Variants in PIP5K1A observed in about 807,000 individuals in gnomAD.
PIP5K1A encodes phosphatidylinositol 4-phosphate 5-kinase type-1 alpha.
A neutral mutation model predicts 72.9 loss-of-function variants in PIP5K1A; 46 were observed. The observed-to-expected ratio is 0.63, with a 90% CI of 0.50 to 0.81. The LOEUF is 0.81. PIP5K1A is among the 30% of genes least tolerant of loss of function. PIP5K1A has a pLI of 0.00. For missense variants in PIP5K1A, 458 were observed against 706.1 expected (o/e 0.65, Z 3.98); for synonymous variants, 228 against 255.1 (o/e 0.89, Z 1.01).
chr1:151,243,889 C>T (rs1692112590), intron 14 of PIP5K1A, among the ~76,000 whole-genome samples: 1 of 152,212 alleles, frequency 6.6e-6, no homozygotes, highest in African/African-American at 2.4e-5. Context: ...AAGCTTCTTA[C>T]AGACTCTGTT....
At chr1:151,234,142 T>C in intron 7 of PIP5K1A, 55 bp from the exon 8 acceptor site, 1 of 1,400,570 alleles carries the variant, frequency 7.1e-7, no homozygotes, top group Non-Finnish European at 9.8e-7. Flanking sequence ...CTGGTGAGTT[T>C]CACTGAAAAT....
intron 1 of PIP5K1A, among the ~76,000 whole-genome samples, chr1:151,214,287 T>C (rs1687268777): frequency 6.6e-6 from 1 of 152,210 alleles, no homozygotes; most frequent in African/African-American, 2.4e-5. Context: ...TTTGTTTGCT[T>C]CACTAAGATA....
At chr1:151,207,971 T>G (rs587715447) in intron 1 of PIP5K1A, among the ~76,000 whole-genome samples, 13 of 151,304 alleles carry the variant, frequency 8.6e-5, no homozygotes, top group African/African-American at 2.9e-4. Context: ...TTCAAGTGAT[T>G]CCCCTGCTTC....
rs959985167 is a variant in PIP5K1A, at chr1:151,198,898, G to A, written c.-99G>A. Reference sequence around the variant, plus strand: ...GGGGCGGGGAGGTGGCCCACAGAACGCGGGTTCTGTAAAGAGACGTTGGGA... The same window carrying A: ...GGGGCGGGGAGGTGGCCCACAGAACACGGGTTCTGTAAAGAGACGTTGGGA... On this transcript the variant is annotated 5_prime_UTR_variant, in exon 1 of 16. Coordinates refer to ENST00000368888, the MANE Select transcript of PIP5K1A (RefSeq NM_001135638.2). 2.5e-6 allele frequency: 3 copies of A among 1,194,426 alleles called. No homozygotes were observed. The African/African-American group carries it at 4.5e-5, about 18-fold the overall frequency. 74.0% of individuals were successfully genotyped at this position (1,194,426 alleles called of 1,614,324 possible).
At position 151,232,646 on chromosome 1, in the gene PIP5K1A, G is replaced by A; in HGVS notation, c.582G>A (p.Lys194=). The change falls in exon 7 of 16, where the codon AAG becomes AAA. Residue 194 remains lysine, a synonymous_variant. Transcript: ENST00000368888. ...YVSSDDEFII[K]TVQHKEAEFL... Reference sequence around the variant, plus strand: ...CCAGCGACGATGAGTTCATTATTAAGACAGTCCAACATAAAGAGGCGGAAT... The same window carrying A: ...CCAGCGACGATGAGTTCATTATTAAAACAGTCCAACATAAAGAGGCGGAAT... 1 of 1,613,648 alleles carries A rather than the reference G, an allele frequency of 6.2e-7. No individual in the cohort carries two copies. Among genetic ancestry groups the A allele is most frequent in the Non-Finnish European group, 8.5e-7 (1 of 1,179,816 alleles).
At chr1:151,220,478 T>C (rs587634954) in intron 1 of PIP5K1A, among the ~76,000 whole-genome samples, 1 of 152,188 alleles carries the variant, frequency 6.6e-6, no homozygotes, top group South Asian at 2.1e-4. Context: ...CCTAGCTTTT[T>C]TTTTTTTAAG....
intron 12 of PIP5K1A, among the ~76,000 whole-genome samples, chr1:151,241,644 T>C (rs1691723504): frequency 6.6e-6 from 1 of 151,676 alleles, no homozygotes; most frequent in South Asian, 2.1e-4. Context: ...CTACTAAAAA[T>C]ATAAAATTAG....
chr1:151,247,008 A>G lies in PIP5K1A; in HGVS notation c.1686+43A>G, dbSNP rs755187811. The G allele has an allele frequency of 2.1e-6, 3 of 1,450,818 alleles. No individual in the cohort carries two copies. In the African/African-American group the frequency reaches 4.2e-5, roughly 20 times the overall value. 89.9% of individuals were successfully genotyped at this position (1,450,818 alleles called of 1,614,324 possible). Reference sequence around the variant, plus strand: ...GTGGGAGGTGAACGTTTTGCAAGGTATAAAGAGGATCACTGATGGCCTGGA... The same window carrying G: ...GTGGGAGGTGAACGTTTTGCAAGGTGTAAAGAGGATCACTGATGGCCTGGA... On this transcript the variant is annotated intron_variant, in intron 15 of 15. Transcript: ENST00000368888.
chr1:151,199,715 T>TA (rs1280369787), intron 1 of PIP5K1A, among the ~76,000 whole-genome samples: 4 of 152,082 alleles, frequency 2.6e-5, no homozygotes, highest in Admixed American at 6.6e-5. Context: ...GAGAACTACT[T>TA]AGTGTGAGAG....
chr1:151,220,300 G>T (rs1487798655), intron 1 of PIP5K1A, among the ~76,000 whole-genome samples: 1 of 151,810 alleles, frequency 6.6e-6, no homozygotes, highest in Non-Finnish European at 1.5e-5. Flanking sequence ...CACCGCACCC[G>T]GCTTGCCTGT....
intron 6 of PIP5K1A, 34 bp from the exon 7 acceptor site, chr1:151,232,517 T>TC: frequency 1.3e-6 from 2 of 1,588,022 alleles, no homozygotes; most frequent in South Asian, 2.3e-5. Context: ...CCCTGATGTG[T>TC]CTAAATCTCT....
At chr1:151,197,148 C>A (rs1684629923), upstream of PIP5K1A, among the ~76,000 whole-genome samples, 3 of 152,098 alleles carry the variant, frequency 2.0e-5, no homozygotes, top group South Asian at 6.2e-4. Flanking sequence ...AGGCGTGAGC[C>A]ACGGCGCCCG....
upstream of PIP5K1A, chr1:151,198,114 G>A: frequency 2.1e-6 from 1 of 470,858 alleles, no homozygotes; most frequent in South Asian, 1.6e-5. Context: ...CCATTCCGAG[G>A]AAGGTAAGAC....
intron 4 of PIP5K1A, among the ~76,000 whole-genome samples, chr1:151,230,904 C>T (rs921228192): frequency 6.6e-6 from 1 of 152,176 alleles, no homozygotes; most frequent in Admixed American, 6.5e-5. Context: ...AAGTTTCTGC[C>T]GCCAGGCAGT....
intron 9 of PIP5K1A, 43 bp from the exon 10 acceptor site, chr1:151,238,139 T>C: frequency 7.7e-7 from 1 of 1,306,712 alleles, no homozygotes; most frequent in Non-Finnish European, 1.1e-6. Context: ...CTGACTAAAC[T>C]AGCCAACAGA....
intron 4 of PIP5K1A, 138 bp from the exon 5 acceptor site, chr1:151,231,533 C>T: frequency 1.4e-6 from 1 of 709,250 alleles, no homozygotes; most frequent in Non-Finnish European, 2.4e-6. Context: ...ACTGGATTGT[C>T]CCAGTTTTAT....
At chr1:151,239,645 A>T (rs1179566891) in intron 11 of PIP5K1A, among the ~76,000 whole-genome samples, 1 of 152,160 alleles carries the variant, frequency 6.6e-6, no homozygotes, top group Admixed American at 6.6e-5. Flanking sequence ...CTCATGCCTC[A>T]GCCTCCCATG....
At chr1:151,199,124 G>T (rs749129981) in intron 1 of PIP5K1A, 43 bp downstream of exon 1, 1 of 1,613,326 alleles carries the variant, frequency 6.2e-7, no homozygotes, top group Non-Finnish European at 8.5e-7. Flanking sequence ...TGAGGAATAT[G>T]CGATGGGAGG....
chr1:151,210,958 T>G (rs960227043), intron 1 of PIP5K1A, among the ~76,000 whole-genome samples: 3 of 152,194 alleles, frequency 2.0e-5, no homozygotes, highest in African/African-American at 7.2e-5. Context: ...CCCTATGACC[T>G]GTTTGGGCAA....
Sources: allele counts gnomAD v4.1 joint callset (sites outside exome capture counted in the v4.1 genomes callset), GRCh38; gene constraint gnomAD v4.1.1; transcripts MANE v1.5; gene names NCBI Gene and HGNC (gene_info 2026-07-23, HGNC 2026-07-21).